C11orf65: variants seen among roughly 807,000 people sequenced by gnomAD.
C11orf65 encodes protein MFI.
A neutral mutation model predicts 35.3 loss-of-function variants in C11orf65; 38 were observed. The ratio of observed to expected loss-of-function variants is 1.08; its 90% CI spans 0.83 to 1.41. The LOEUF (loss-of-function observed/expected upper bound fraction) is 1.41. Among genes scored for constraint, C11orf65 ranks in the 40% most tolerant of loss-of-function variants. C11orf65 has a pLI of 0.00. For synonymous variants in C11orf65, 105 were observed against 114.4 expected (o/e 0.92, Z 0.53); for missense variants, 370 against 367.1 (o/e 1.01, Z -0.06).
At chr11:108,318,389 A>T (rs1479950055) in intron 6 of C11orf65, among the ~76,000 whole-genome samples, 1 of 151,604 alleles carries the variant, frequency 6.6e-6, no homozygotes, top group African/African-American at 2.4e-5. Context: ...TAAAAAAAAT[A>T]ATATGCCTAC....
chr11:108,464,924 T>C (rs949667621), intron 1 of C11orf65, among the ~76,000 whole-genome samples: 1 of 152,208 alleles, frequency 6.6e-6, no homozygotes, highest in East Asian at 1.9e-4. Flanking sequence ...TGGTGTCTAA[T>C]TTATGCCCAT....
Position 108,331,557 on chromosome 11 carries a change from TG to T in C11orf65, c.309del (p.His104IlefsTer9). On this transcript the variant is annotated frameshift_variant, in exon 4 of 4. Coordinates refer to the C11orf65 transcript ENST00000524755. LOFTEE classifies it high-confidence loss of function. ...TAGGATTTCATGAAGTCCTCAATAA[TG>T]TAAGTAAACCTGAAAATCAAACCAC... 6.2e-7 allele frequency: 1 copy of T among 1,608,946 alleles called. No individual in the cohort carries two copies. The highest frequency in any genetic ancestry group is 8.5e-7 in the Non-Finnish European group (1 of 1,177,998).
intron 8 of C11orf65, 114 bp downstream of exon 8, chr11:108,385,806 C>T: frequency 1.2e-6 from 1 of 823,858 alleles, no homozygotes; most frequent in Non-Finnish European, 2.0e-6. Flanking sequence ...ACAAATGCAT[C>T]TAAATTTATA....
At chr11:108,400,856 C>T (rs1402453439) in intron 6 of C11orf65, among the ~76,000 whole-genome samples, 4 of 152,140 alleles carry the variant, frequency 2.6e-5, no homozygotes, top group Non-Finnish European at 2.9e-5. Flanking sequence ...CCTGTAATCC[C>T]AGCACTTTGG....
downstream of C11orf65, among the ~76,000 whole-genome samples, chr11:108,328,853 A>T (rs941109799): frequency 6.6e-6 from 1 of 152,214 alleles, no homozygotes; most frequent in East Asian, 1.9e-4. Context: ...CCTGGGCCAC[A>T]TGCGGCCCAT....
At chr11:108,449,958 A>G (rs1166403792) in intron 2 of C11orf65, among the ~76,000 whole-genome samples, 1 of 151,960 alleles carries the variant, frequency 6.6e-6, no homozygotes, top group African/African-American at 2.4e-5. Flanking sequence ...AAAACCCATC[A>G]AAAAGTGGGC....
At chr11:108,384,962 C>T (rs776954640) in intron 8 of C11orf65, among the ~76,000 whole-genome samples, 1 of 152,210 alleles carries the variant, frequency 6.6e-6, no homozygotes, top group African/African-American at 2.4e-5. Flanking sequence ...TTACTTTTAG[C>T]ATTTCAGTAC....
At chr11:108,363,724 C>T (rs1467645500) in intron 2 of C11orf65, among the ~76,000 whole-genome samples, 1 of 152,214 alleles carries the variant, frequency 6.6e-6, no homozygotes, top group Non-Finnish European at 1.5e-5. Flanking sequence ...TGTTTCCAAC[C>T]ACTTCTGTCT....
intron 3 of C11orf65, among the ~76,000 whole-genome samples, chr11:108,407,900 C>G (rs2092573889): frequency 7.2e-6 from 1 of 138,412 alleles, no homozygotes; most frequent in Admixed American, 7.8e-5. Context: ...CCACTGCACT[C>G]CAGCCTGGGC....
At chr11:108,425,005 A>T (rs2138955840) in intron 3 of C11orf65, among the ~76,000 whole-genome samples, 1 of 152,366 alleles carries the variant, frequency 6.6e-6, no homozygotes, top group Admixed American at 6.5e-5. Flanking sequence ...CAGCTAAAGC[A>T]GTGTTTAGAG....
At chr11:108,399,152 A>G (rs1159368275) in intron 6 of C11orf65, among the ~76,000 whole-genome samples, 4 of 152,088 alleles carry the variant, frequency 2.6e-5, no homozygotes, top group Admixed American at 6.5e-5. Flanking sequence ...GTGCCGGGGG[A>G]AAAAATGACA....
Position 108,356,263 on chromosome 11 carries a change from C to T in C11orf65, c.227-20971G>A, listed in dbSNP as rs142653145. ...CATGTAAGAAAAAGAGGGCTGGGCG[C>T]GGTGGCTCATGCCTGTAATCCCAGC... is the stretch of plus-strand genomic sequence containing the variant. On this transcript the variant is annotated intron_variant, in intron 2 of 3. Transcript: ENST00000524755. Among the ~76,000 whole-genome samples, 483 of 152,156 alleles carry T rather than the reference C, an allele frequency of 3.2e-3. 2 individuals carry two copies. The highest frequency in any genetic ancestry group is 4.9e-3 in the Non-Finnish European group (332 of 67,986).
At chr11:108,325,965 T>A (rs1443727442) in intron 6 of C11orf65, 2 of 1,475,974 alleles carry the variant, frequency 1.4e-6, no homozygotes, top group Non-Finnish European at 1.9e-6. Flanking sequence ...AAGTCCTCAA[T>A]GAATGGTAGT....
At chr11:108,467,124 G>T (rs948162573) in intron 1 of C11orf65, among the ~76,000 whole-genome samples, 2 of 152,220 alleles carry the variant, frequency 1.3e-5, no homozygotes, top group Non-Finnish European at 2.9e-5. Flanking sequence ...CCGGTCAGCG[G>T]GAAGGTGGAC....
At chr11:108,332,174 TC>T in intron 3 of C11orf65, 1 of 1,133,496 alleles carries the variant, frequency 8.8e-7, no homozygotes, top group South Asian at 1.4e-5. Context: ...ACGCCTGTAA[TC>T]CCAGCACTTT....
rs1190456608 is a variant in C11orf65, at chr11:108,335,900, A to G, written c.227-608T>C. The G allele has an allele frequency of 1.2e-6, 2 of 1,613,982 alleles. No homozygotes were observed. The highest frequency in any genetic ancestry group is 1.7e-6 in the Non-Finnish European group (2 of 1,179,980). On this transcript the variant is annotated intron_variant, in intron 2 of 3. Transcript: ENST00000524755. ...ATGCAACAGGTCTTCCAGATGTGTA[A>G]TACATTACTGCAGAGAAACACGGAA...
At chr11:108,384,283 G>T (rs1468447838) in intron 8 of C11orf65, among the ~76,000 whole-genome samples, 1 of 152,172 alleles carries the variant, frequency 6.6e-6, no homozygotes, top group African/African-American at 2.4e-5. Flanking sequence ...TGGGCTGAGT[G>T]GGTGGCAGTG....
At chr11:108,369,736 C>CA (rs2091496935) in intron 2 of C11orf65, among the ~76,000 whole-genome samples, 1 of 152,084 alleles carries the variant, frequency 6.6e-6, no homozygotes, top group Admixed American at 6.6e-5. Flanking sequence ...GATCCAAAAG[C>CA]AGTGGTTCTT....
chr11:108,326,517 T>C (rs894982366), downstream of C11orf65, among the ~76,000 whole-genome samples: 3 of 152,180 alleles, frequency 2.0e-5, no homozygotes, highest in African/African-American at 7.2e-5. Flanking sequence ...ATGAATGAAA[T>C]AGCTACTCTA....
Sources: gnomAD v4.1 joint callset for allele counts (sites outside exome capture counted in the v4.1 genomes callset) on GRCh38, gnomAD v4.1.1 for gene constraint, MANE v1.5 for transcripts, NCBI Gene and HGNC (gene_info 2026-07-23, HGNC 2026-07-21) for gene names.